Variants in LRRC20 observed in about 807,000 individuals in gnomAD.
LRRC20 encodes the protein leucine rich repeat containing 20.
In LRRC20, 11 loss-of-function variants were observed where a neutral mutation model predicts 14.4. That is an observed-to-expected ratio of 0.77 (90% CI 0.48 to 1.27). The LOEUF is 1.27. LRRC20 is among the 50% of genes most tolerant of loss of function. The pLI is 0.00. For missense variants in LRRC20, 219 were observed against 251.2 expected (o/e 0.87, Z 0.87); for synonymous variants, 121 against 107.3 (o/e 1.13, Z -0.79).
At chr10:70,325,645 G>A (rs1842288214) in intron 3 of LRRC20, among the ~76,000 whole-genome samples, 1 of 152,224 alleles carries the variant, frequency 6.6e-6, no homozygotes, top group Non-Finnish European at 1.5e-5. Context: ...AGGCAGGGAA[G>A]ACCTGGCTCA....
intron 2 of LRRC20, among the ~76,000 whole-genome samples, chr10:70,346,047 G>A (rs951910401): frequency 6.6e-6 from 1 of 152,082 alleles, no homozygotes; most frequent in Non-Finnish European, 1.5e-5. Flanking sequence ...GATCACTTGA[G>A]TTTGAGACCA....
intron 2 of LRRC20, among the ~76,000 whole-genome samples, chr10:70,350,637 T>G (rs888488779): frequency 2.0e-5 from 3 of 152,094 alleles, no homozygotes; most frequent in Non-Finnish European, 2.9e-5. Flanking sequence ...GTGGGCCTGG[T>G]GACAGGGCCC....
intron 2 of LRRC20, among the ~76,000 whole-genome samples, chr10:70,357,028 G>A (rs1297619295): frequency 1.3e-5 from 2 of 152,172 alleles, no homozygotes; most frequent in Non-Finnish European, 2.9e-5. Context: ...GCCATAAAAA[G>A]GAATGAAATC....
chr10:70,376,419 AG>A, intron 2 of LRRC20, 32 bp downstream of exon 2: 1 of 1,606,830 alleles, frequency 6.2e-7, no homozygotes, highest in Non-Finnish European at 8.5e-7. Flanking sequence ...AACTGCTTCC[AG>A]GGAAGTTGGG....
At chr10:70,376,666 CA>C (rs1844521493) in intron 1 of LRRC20, 70 bp from the exon 2 acceptor site, 2 of 786,982 alleles carry the variant, frequency 2.5e-6, no homozygotes, top group Non-Finnish European at 4.2e-6. Context: ...CCCCCTCCAG[CA>C]TCCTTCTCCC....
intron 2 of LRRC20, among the ~76,000 whole-genome samples, chr10:70,353,920 TC>T (rs1843423066): frequency 6.6e-6 from 1 of 152,132 alleles, no homozygotes; most frequent in African/African-American, 2.4e-5. Context: ...ATATTGCAGT[TC>T]CCATGGAACT....
intron 2 of LRRC20, among the ~76,000 whole-genome samples, chr10:70,374,453 C>T (rs1047935211): frequency 1.5e-4 from 22 of 151,552 alleles, no homozygotes; most frequent in East Asian, 3.9e-4. Context: ...TGGGTTCAGG[C>T]GATTCTCCTG....
In LRRC20 at chr10:70,300,616, C is replaced by A; in HGVS notation, c.*738G>T. 1 of 985,560 alleles carries A rather than the reference C, an allele frequency of 1.0e-6. No individual in the cohort carries two copies. The highest frequency in any genetic ancestry group is 1.2e-6 in the Non-Finnish European group (1 of 830,038). The allele number at this position is 985,560 out of a possible 1,614,324, so 61.1% of individuals were successfully genotyped here. ...CAGCTCAGGAGTGATGCTAGAGGGA[C>A]GGAGCACTCAGGACTTCCCACCCCG... On this transcript the variant is annotated 3_prime_UTR_variant, in exon 5 of 5. Coordinates refer to ENST00000446961, the MANE Select transcript of LRRC20 (RefSeq NM_001278212.2).
chr10:70,346,343 T>G (rs533883961), intron 2 of LRRC20, among the ~76,000 whole-genome samples: 1 of 152,166 alleles, frequency 6.6e-6, no homozygotes, highest in Admixed American at 6.5e-5. Flanking sequence ...TTGGGTCCAG[T>G]TCAAGGCTGC....
chr10:70,354,889 A>C (rs569734313), intron 2 of LRRC20, among the ~76,000 whole-genome samples: 5 of 152,188 alleles, frequency 3.3e-5, no homozygotes, highest in African/African-American at 1.2e-4. Flanking sequence ...CAGGAGGCCT[A>C]ATTCTTATCC....
chr10:70,332,299 CAAGGTCTGGAACAGACTA>C (rs1480814321), intron 3 of LRRC20, among the ~76,000 whole-genome samples: 4 of 152,330 alleles, frequency 2.6e-5, no homozygotes, highest in African/African-American at 9.6e-5. Flanking sequence ...GCACTTTTAA[CAAGGTCTGGAACAGACTA>C]AAATGAAGTA....
chr10:70,305,563 T>C (rs1312688991), intron 4 of LRRC20, among the ~76,000 whole-genome samples: 1 of 152,208 alleles, frequency 6.6e-6, no homozygotes, highest in African/African-American at 2.4e-5. Context: ...TTCAAATGTC[T>C]TTAGGACTTT....
At chr10:70,324,585 G>A (rs896843497) in intron 3 of LRRC20, among the ~76,000 whole-genome samples, 5 of 152,356 alleles carry the variant, frequency 3.3e-5, no homozygotes, top group African/African-American at 4.8e-5. Flanking sequence ...GCTGGCCAGC[G>A]ACCTGTGCAG....
At chr10:70,325,545 C>T (rs1457696379) in intron 3 of LRRC20, among the ~76,000 whole-genome samples, 1 of 152,224 alleles carries the variant, frequency 6.6e-6, no homozygotes, top group Non-Finnish European at 1.5e-5. Flanking sequence ...TCTTACCCAC[C>T]CCTGAGCTAG....
At chr10:70,357,897 G>A (rs1180598127) in intron 2 of LRRC20, among the ~76,000 whole-genome samples, 1 of 152,220 alleles carries the variant, frequency 6.6e-6, no homozygotes, top group Non-Finnish European at 1.5e-5. Context: ...ACCACAGCTG[G>A]TCCGAGTGGA....
chr10:70,358,473 T>G (rs375217265), intron 2 of LRRC20, among the ~76,000 whole-genome samples: 39 of 152,350 alleles, frequency 2.6e-4, no homozygotes, highest in African/African-American at 9.4e-4. Flanking sequence ...AATCCACCCC[T>G]GTAAGCAATG....
intron 2 of LRRC20, among the ~76,000 whole-genome samples, chr10:70,344,391 G>A (rs866394877): frequency 4.6e-5 from 7 of 151,968 alleles, no homozygotes; most frequent in South Asian, 4.1e-4. Context: ...TCAGCAAAGC[G>A]GCTAATCAAA....
intron 4 of LRRC20, among the ~76,000 whole-genome samples, chr10:70,317,631 G>A (rs1841913879): frequency 1.3e-5 from 2 of 152,270 alleles, no homozygotes; most frequent in South Asian, 4.1e-4. Context: ...CTCCTGCCTT[G>A]GCCTCATAAA....
At chr10:70,343,129 C>T (rs1379497799) in intron 2 of LRRC20, among the ~76,000 whole-genome samples, 4 of 152,228 alleles carry the variant, frequency 2.6e-5, no homozygotes, top group African/African-American at 7.2e-5. Flanking sequence ...ATGTCACCTT[C>T]TCCATGAAGC....
Sources: gnomAD v4.1 joint callset for allele counts (sites outside exome capture counted in the v4.1 genomes callset) on GRCh38, gnomAD v4.1.1 for gene constraint, MANE v1.5 for transcripts, NCBI Gene and HGNC (gene_info 2026-07-23, HGNC 2026-07-21) for gene names.